Variants in CA10 observed in about 807,000 individuals in gnomAD.
The protein encoded by CA10 is carbonic anhydrase 10 (inactive).
CA10 carries 14 observed loss-of-function variants against 44.2 expected under a neutral mutation model. The ratio of observed to expected loss-of-function variants is 0.32; its 90% CI spans 0.21 to 0.50. CA10 has a LOEUF of 0.50. CA10 is among the 20% of genes least tolerant of loss of function. The pLI, the probability that CA10 is intolerant of heterozygous loss-of-function variation, is 0.99. For synonymous variants in CA10, 159 were observed against 141.6 expected (o/e 1.12, Z -0.87); for missense variants, 350 against 409.7 (o/e 0.85, Z 1.26).
intron 2 of CA10, among the ~76,000 whole-genome samples, chr17:52,000,168 T>A (rs1393596934): frequency 6.6e-6 from 1 of 152,080 alleles, no homozygotes; most frequent in Non-Finnish European, 1.5e-5. Context: ...CTATTGGGAA[T>A]TATATCTTGG....
intron 1 of CA10, among the ~76,000 whole-genome samples, chr17:52,126,701 TA>T (rs990517179): frequency 7.9e-5 from 12 of 152,228 alleles, no homozygotes; most frequent in African/African-American, 2.2e-4. Flanking sequence ...AGCTCGTTTT[TA>T]TTTGGGGCAT....
At chr17:51,688,716 C>T (rs1424325402) in intron 4 of CA10, among the ~76,000 whole-genome samples, 6 of 152,176 alleles carry the variant, frequency 3.9e-5, no homozygotes, top group African/African-American at 1.4e-4. Flanking sequence ...ACACTTTATT[C>T]CAGACCTAGT....
intron 2 of CA10, among the ~76,000 whole-genome samples, chr17:52,044,245 T>C (rs548113277): frequency 6.6e-6 from 1 of 152,148 alleles, no homozygotes; most frequent in African/African-American, 2.4e-5. Flanking sequence ...ACTATTGGTC[T>C]GTTCAGATTT....
intron 4 of CA10, among the ~76,000 whole-genome samples, chr17:51,719,328 C>G (rs1598007899): frequency 6.6e-6 from 1 of 152,222 alleles, no homozygotes. Flanking sequence ...ACACCTCTCA[C>G]CACTGAACCT....
At chr17:52,026,964 A>T (rs1357076347) in intron 2 of CA10, among the ~76,000 whole-genome samples, 1 of 152,108 alleles carries the variant, frequency 6.6e-6, no homozygotes, top group African/African-American at 2.4e-5. Context: ...ATTCAAGTGC[A>T]TCACATTTAT....
intron 2 of CA10, among the ~76,000 whole-genome samples, chr17:52,056,357 C>A (rs764736254): frequency 2.0e-5 from 3 of 151,960 alleles, no homozygotes; most frequent in Non-Finnish European, 4.4e-5. Flanking sequence ...GGCGTCTATT[C>A]ATAAGAAGTC....
intron 3 of CA10, among the ~76,000 whole-genome samples, chr17:51,852,605 C>T (rs1249752006): frequency 6.6e-6 from 1 of 152,132 alleles, no homozygotes; most frequent in Non-Finnish European, 1.5e-5. Flanking sequence ...ATCTAAATGT[C>T]CTATGCTGAG....
rs1286932793 is a variant in CA10 at position 51,727,298 on chromosome 17, C to A, written c.465+20335G>T. ...TCTTCAGGAGGAAAGGTCTTCCCCC[C>A]ATCTCTGATGAGTGTTTTCAGAGTA... On this transcript the variant is annotated intron_variant, in intron 4 of 8. Transcript: ENST00000451037. 4.6e-5 allele frequency among the ~76,000 whole-genome samples: 7 copies of A among 152,170 alleles called. No homozygotes were observed. In the South Asian group the frequency reaches 1.0e-3, roughly 23 times the overall value.
At chr17:51,978,990 T>C (rs1984558061) in intron 2 of CA10, among the ~76,000 whole-genome samples, 1 of 152,166 alleles carries the variant, frequency 6.6e-6, no homozygotes, top group South Asian at 2.1e-4. Context: ...GTAAAGCCAC[T>C]TGCCTAGAGG....
chr17:51,875,567 T>C (rs984661124), intron 3 of CA10, among the ~76,000 whole-genome samples: 1 of 152,234 alleles, frequency 6.6e-6, no homozygotes, highest in Non-Finnish European at 1.5e-5. Flanking sequence ...GGTTCTATTC[T>C]TTATACTGCA....
intron 3 of CA10, among the ~76,000 whole-genome samples, chr17:51,889,534 A>T (rs1034153228): frequency 1.3e-5 from 2 of 151,924 alleles, no homozygotes; most frequent in Non-Finnish European, 2.9e-5. Flanking sequence ...AAATAAAATA[A>T]AACCAAACCA....
chr17:51,820,559 A>G (rs1907744039), intron 3 of CA10, among the ~76,000 whole-genome samples: 1 of 152,028 alleles, frequency 6.6e-6, no homozygotes, highest in African/African-American at 2.4e-5. Context: ...CTGTATTCTG[A>G]ATCATATTTG....
intron 1 of CA10, among the ~76,000 whole-genome samples, chr17:52,113,448 G>A (rs1988828926): frequency 6.6e-6 from 1 of 152,092 alleles, no homozygotes; most frequent in Non-Finnish European, 1.5e-5. Flanking sequence ...CATTGCCCTG[G>A]GCACCATGGA....
chr17:51,702,305 G>A (rs962307549), intron 4 of CA10, among the ~76,000 whole-genome samples: 3 of 152,100 alleles, frequency 2.0e-5, no homozygotes, highest in African/African-American at 7.2e-5. Flanking sequence ...CTAGCTGGCG[G>A]TAGACCCAGA....
chr17:52,122,911 T>A lies in CA10; in HGVS notation c.61+34815A>T, dbSNP rs188603650. ...TCCCAGGCTTTATACCATCAAAGAC[T>A]CTTTTTCTCCCCACCTGTAACCAGG... On this transcript the variant is annotated intron_variant, in intron 1 of 8. Coordinates refer to ENST00000451037, the MANE Select transcript of CA10 (RefSeq NM_020178.5). 3.9e-5 allele frequency among the ~76,000 whole-genome samples: 6 copies of A among 152,350 alleles called. No homozygotes were observed. The East Asian group carries it at 1.2e-3, about 29-fold the overall frequency.
At chr17:51,659,216 A>T (rs1052242286) in intron 4 of CA10, among the ~76,000 whole-genome samples, 4 of 152,110 alleles carry the variant, frequency 2.6e-5, no homozygotes, top group Admixed American at 2.6e-4. Flanking sequence ...AAGGTGGAGG[A>T]TTCTCTCTTC....
chr17:52,083,765 A>G (rs139459979), intron 1 of CA10, among the ~76,000 whole-genome samples: 25 of 152,332 alleles, frequency 1.6e-4, no homozygotes, highest in African/African-American at 5.8e-4. Context: ...ATGGCTGAGT[A>G]GTATTCCACG....
At chr17:51,887,579 A>G (rs1980664863) in intron 3 of CA10, among the ~76,000 whole-genome samples, 1 of 152,212 alleles carries the variant, frequency 6.6e-6, no homozygotes, top group Admixed American at 6.5e-5. Context: ...GAATCTGGGT[A>G]AGTTATTTAC....
chr17:51,661,442 A>G (rs891905463), intron 4 of CA10, among the ~76,000 whole-genome samples: 1 of 152,192 alleles, frequency 6.6e-6, no homozygotes, highest in African/African-American at 2.4e-5. Flanking sequence ...GGGTCCCCTT[A>G]CATGAGCAAG....
Sources: gnomAD v4.1 joint callset for allele counts (sites outside exome capture counted in the v4.1 genomes callset) on GRCh38, gnomAD v4.1.1 for gene constraint, MANE v1.5 for transcripts, NCBI Gene and HGNC (gene_info 2026-07-23, HGNC 2026-07-21) for gene names.